The following ACP6 variants were observed in gnomAD, a reference collection of about 807,000 sequenced individuals.
ACP6 encodes the protein acid phosphatase 6, lysophosphatidic, also known as lysophosphatidic acid phosphatase type 6.
A neutral mutation model predicts 48.1 loss-of-function variants in ACP6; 48 were observed. The observed-to-expected ratio is 1.00, with a 90% CI of 0.79 to 1.27. ACP6 has a LOEUF of 1.27. ACP6 is among the 50% of genes most tolerant of loss of function. ACP6 has a pLI of 0.00. For missense variants in ACP6, 485 were observed against 529.1 expected (o/e 0.92, Z 0.82); for synonymous variants, 172 against 204.2 (o/e 0.84, Z 1.34).
At chr1:147,650,373 C>T (rs1003084109) in intron 7 of ACP6, 135 bp from the exon 8 acceptor site, 29 of 581,388 alleles carry the variant, frequency 5.0e-5, no homozygotes, top group Middle Eastern at 3.1e-4. Flanking sequence ...GGGCCAGCAA[C>T]GGGCCAGAAG....
Position 147,670,291 on chromosome 1 carries a change from G to C in ACP6, c.-243C>G, listed in dbSNP as rs1207993022. 3 of 448,896 alleles carry C rather than the reference G, an allele frequency of 6.7e-6. No homozygotes were observed. Among genetic ancestry groups the C allele is most frequent in the Admixed American group, 7.5e-5 (2 of 26,688 alleles). 27.8% of individuals were successfully genotyped at this position (448,896 alleles called of 1,614,324 possible). ...CCCTGGGAGTTTTAACCCGGGTCGG[G>C]GTTGGTCGCTCCTGCTGCACACCGG... On this transcript the variant is annotated 5_prime_UTR_variant, in exon 1 of 10. Coordinates refer to ENST00000583509, the MANE Select transcript of ACP6 (RefSeq NM_016361.5).
chr1:147,640,918 C>T (rs1310777958), downstream of ACP6, among the ~76,000 whole-genome samples: 1 of 152,110 alleles, frequency 6.6e-6, no homozygotes, highest in East Asian at 1.9e-4. Flanking sequence ...CTGCAAAGTC[C>T]CCTTGGCCAC....
At chr1:147,653,209 C>A (rs1553210969) in intron 6 of ACP6, among the ~76,000 whole-genome samples, 1 of 151,948 alleles carries the variant, frequency 6.6e-6, no homozygotes, top group African/African-American at 2.4e-5. Flanking sequence ...CGGCTCACTG[C>A]AACCCCTGCC....
At chr1:147,639,603 G>A (rs1337413612), downstream of ACP6, among the ~76,000 whole-genome samples, 8 of 152,180 alleles carry the variant, frequency 5.3e-5, no homozygotes, top group African/African-American at 1.4e-4. Flanking sequence ...CTGCTTTTCC[G>A]GAGGTAGCTC....
chr1:147,659,247 C>T, intron 3 of ACP6, 149 bp downstream of exon 3: 1 of 1,216,742 alleles, frequency 8.2e-7, no homozygotes, highest in Non-Finnish European at 1.1e-6. Flanking sequence ...ACCTGTTCAC[C>T]AGATCCTGTG....
intron 5 of ACP6, among the ~76,000 whole-genome samples, chr1:147,634,251 T>C (rs1197666621): frequency 2.0e-5 from 3 of 152,214 alleles, no homozygotes; most frequent in African/African-American, 7.2e-5. Flanking sequence ...GTATCCTCCA[T>C]GGAGAAATGT....
Position 147,655,248 on chromosome 1 carries a change from C to T in ACP6, c.560G>A (p.Gly187Glu), listed in dbSNP as rs140840216. ...TTCATCAGTGTGGATGATGATGGGTCCTGGAAGAAAGGGAGGAAGCACAGG... is the reference window on the plus strand; with the variant it reads ...TTCATCAGTGTGGATGATGATGGGTTCTGGAAGAAAGGGAGGAAGCACAGG... Reference protein sequence around the residue: ...LAGLFQCQKEGPIIIHTDEAD... With the variant: ...LAGLFQCQKEEPIIIHTDEAD... Residue 187 changes from glycine (G) to glutamate (E), a missense_variant and splice_region_variant, in exon 5 of 10, where the codon GGA (glycine) becomes GAA (glutamate). By Grantham distance (98) the Gly-to-Glu change is moderately conservative. Transcript: ENST00000583509. 2.5e-6 allele frequency: 4 copies of T among 1,600,850 alleles called. No individual in the cohort carries two copies. Among genetic ancestry groups the T allele is most frequent in the Non-Finnish European group, 3.4e-6 (4 of 1,172,894 alleles).
chr1:147,647,901 C>T, intron 9 of ACP6: 1 of 487,372 alleles, frequency 2.1e-6, no homozygotes. Context: ...GTGCTAACAG[C>T]AGCACACATC....
At chr1:147,629,813 A>G (rs1553207129) in exon 6 of ACP6, 1 of 152,196 alleles carries the variant, frequency 6.6e-6, no homozygotes, top group Non-Finnish European at 1.5e-5. Flanking sequence ...AGTTGTCTCT[A>G]TTTAACATGG....
At chr1:147,632,030 C>G (rs1225359361) in intron 5 of ACP6, among the ~76,000 whole-genome samples, 1 of 152,084 alleles carries the variant, frequency 6.6e-6, no homozygotes, top group African/African-American at 2.4e-5. Context: ...CGTGCCAAGG[C>G]CTTCTTGCCA....
At chr1:147,666,695 C>A (rs1291100824) in intron 1 of ACP6, among the ~76,000 whole-genome samples, 1 of 152,108 alleles carries the variant, frequency 6.6e-6, no homozygotes, top group Non-Finnish European at 1.5e-5. Context: ...ATACCCCGGA[C>A]CAATTAAATT....
chr1:147,647,063 T>C lies in ACP6; in HGVS notation c.*360A>G, dbSNP rs1024959752. Reference sequence around the variant, plus strand: ...CTTGAGGGCAGAGTGTTTTCACCTTTATAATGATCACTACTTAGTAGGTAG... The same window carrying C: ...CTTGAGGGCAGAGTGTTTTCACCTTCATAATGATCACTACTTAGTAGGTAG... On this transcript the variant is annotated 3_prime_UTR_variant, in exon 10 of 10. Transcript: ENST00000583509. The C allele has an allele frequency of 3.3e-5, 7 of 209,386 alleles. No individual in the cohort carries two copies. Among genetic ancestry groups the C allele is most frequent in the Non-Finnish European group, 6.8e-5 (7 of 102,202 alleles). 13.0% of individuals were successfully genotyped at this position (209,386 alleles called of 1,614,324 possible). A position where few individuals can be genotyped will look rare whatever the true frequency, so the allele number is the denominator to read the frequency against.
At chr1:147,641,604 C>G (rs183268331), downstream of ACP6, among the ~76,000 whole-genome samples, 108 of 152,332 alleles carry the variant, frequency 7.1e-4, no homozygotes, top group South Asian at 1.4e-3. Flanking sequence ...ACCTCAACAG[C>G]ACTCTGAGGC....
In ACP6 at chr1:147,670,107, T is replaced by G; in HGVS notation, c.-59A>C. The G allele has an allele frequency of 7.0e-7, 1 of 1,418,660 alleles. No homozygotes were observed. Among genetic ancestry groups the G allele is most frequent in the Non-Finnish European group, 9.3e-7 (1 of 1,079,114 alleles). The allele number at this position is 1,418,660 out of a possible 1,614,324, so 87.9% of individuals were successfully genotyped here. The stretch of plus-strand genomic sequence containing the variant: ...CTGCAGGAGGCAAACACAAGTCTTC[T>G]GCGGGCGCCGGGGCTCAGCGGGCGC... On this transcript the variant is annotated 5_prime_UTR_variant, in exon 1 of 10. Coordinates refer to ENST00000583509, the MANE Select transcript of ACP6 (RefSeq NM_016361.5).
intron 8 of ACP6, among the ~76,000 whole-genome samples, chr1:147,649,074 T>G (rs1659776016): frequency 6.6e-6 from 1 of 152,140 alleles, no homozygotes; most frequent in South Asian, 2.1e-4. Flanking sequence ...GTACTGTCAT[T>G]GCAGGTACTG....
chr1:147,662,189 T>A (rs1660580243), intron 1 of ACP6, among the ~76,000 whole-genome samples: 1 of 152,252 alleles, frequency 6.6e-6, no homozygotes. Context: ...ATGCACCTAG[T>A]CACCCAAAGG....
At chr1:147,633,855 T>C (rs1175064143) in intron 5 of ACP6, among the ~76,000 whole-genome samples, 1 of 141,516 alleles carries the variant, frequency 7.1e-6, no homozygotes, top group East Asian at 2.2e-4. Flanking sequence ...TTTAAAAAAA[T>C]TGTGGTAAAA....
chr1:147,663,653 AT>A (rs1250522349), intron 1 of ACP6, among the ~76,000 whole-genome samples: 1 of 152,102 alleles, frequency 6.6e-6, no homozygotes, highest in Non-Finnish European at 1.5e-5. Context: ...TCTTAAAAAA[AT>A]TTTAAAAAAG....
Position 147,642,893 on chromosome 1 carries a change from C to T in ACP6, c.*4530G>A, listed in dbSNP as rs1659497990. 1 of 152,154 alleles carries T rather than the reference C, an allele frequency of 6.6e-6. No homozygotes were observed. Among genetic ancestry groups the T allele is most frequent in the South Asian group, 2.1e-4 (1 of 4,832 alleles). 9.4% of individuals were successfully genotyped at this position (152,154 alleles called of 1,614,324 possible). On this transcript the variant is annotated 3_prime_UTR_variant, in exon 10 of 10. Coordinates refer to ENST00000583509, the MANE Select transcript of ACP6 (RefSeq NM_016361.5). The stretch of plus-strand genomic sequence containing the variant: ...GCTAGGGCCTGCCGTAGCAAAGTAT[C>T]ACAGACTAGGTGGCTTAAACAACAG...
Sources: gnomAD v4.1 joint callset for allele counts (sites outside exome capture counted in the v4.1 genomes callset) on GRCh38, gnomAD v4.1.1 for gene constraint, MANE v1.5 for transcripts, NCBI Gene and HGNC (gene_info 2026-07-23, HGNC 2026-07-21) for gene names.